The following OSTF1 variants were observed in gnomAD, a reference collection of about 807,000 sequenced individuals.
OSTF1 encodes the protein osteoclast-stimulating factor 1.
In OSTF1, 27 loss-of-function variants were observed where a neutral mutation model predicts 37.2. The observed-to-expected ratio is 0.73, with a 90% CI of 0.54 to 1.00. The LOEUF (loss-of-function observed/expected upper bound fraction) is 1.00, where lower values mean the gene tolerates loss of function less well. OSTF1 is among the 50% of genes least tolerant of loss of function. The pLI is 0.00. For missense variants in OSTF1, 232 were observed against 253.8 expected (o/e 0.91, Z 0.58); for synonymous variants, 82 against 89.2 (o/e 0.92, Z 0.46).
At chr9:75,117,860 C>T (rs1317650287) in intron 2 of OSTF1, among the ~76,000 whole-genome samples, 1 of 152,240 alleles carries the variant, frequency 6.6e-6, no homozygotes, top group Non-Finnish European at 1.5e-5. Flanking sequence ...GAATTTCATA[C>T]TAACCTTCCT....
At position 75,132,994 on chromosome 9, in the gene OSTF1, CA is replaced by C. The variant is rs1564167164; in HGVS notation, c.251-299del. ...ACATACACACACACACACACACACA[CA>C]CACACACACACACACACCCCTATAT... is the stretch of plus-strand genomic sequence containing the variant. On this transcript the variant is annotated intron_variant, in intron 5 of 9. Coordinates refer to ENST00000346234, the MANE Select transcript of OSTF1 (RefSeq NM_012383.5). 2.4e-3 allele frequency among the ~76,000 whole-genome samples: 201 copies of C among 85,510 alleles called. 2 individuals carry two copies. The highest frequency in any genetic ancestry group is 6.9e-3 in the African/African-American group (178 of 25,944). The allele number at this position is 85,510 out of a possible 152,430, so 56.1% of individuals were successfully genotyped here.
intron 7 of OSTF1, 23 bp from the exon 8 acceptor site, chr9:75,137,515 A>C: frequency 6.7e-7 from 1 of 1,503,374 alleles, no homozygotes; most frequent in Non-Finnish European, 9.3e-7. Context: ...TAAAAATGGT[A>C]CTTTCTCTTT....
intron 9 of OSTF1, among the ~76,000 whole-genome samples, chr9:75,142,792 T>C (rs572546643): frequency 6.6e-6 from 1 of 152,328 alleles, no homozygotes; most frequent in South Asian, 2.1e-4. Flanking sequence ...CATGTTACTT[T>C]TAAAATGTTT....
At chr9:75,130,464 G>A in intron 3 of OSTF1, 114 bp from the exon 4 acceptor site, 1 of 724,128 alleles carries the variant, frequency 1.4e-6, no homozygotes, top group Non-Finnish European at 2.5e-6. Flanking sequence ...GATAGTGTGG[G>A]TAGGGTTGAT....
chr9:75,139,805 A>T (rs116160137), intron 8 of OSTF1, among the ~76,000 whole-genome samples: 4,026 of 152,338 alleles, frequency 0.026, 157 homozygotes, highest in African/African-American at 0.089. Flanking sequence ...TCAGAGGATC[A>T]TTAGAGACTA....
At chr9:75,097,397 G>A (rs1343907753) in intron 1 of OSTF1, among the ~76,000 whole-genome samples, 1 of 152,002 alleles carries the variant, frequency 6.6e-6, no homozygotes, top group Non-Finnish European at 1.5e-5. Context: ...CTAAATATTG[G>A]GGCTCTAAAG....
chr9:75,094,080 C>G (rs1825028810), intron 1 of OSTF1, among the ~76,000 whole-genome samples: 1 of 152,120 alleles, frequency 6.6e-6, no homozygotes, highest in Non-Finnish European at 1.5e-5. Flanking sequence ...TTGGTGTGAC[C>G]TGGAAGTGGA....
Position 75,092,422 on chromosome 9 carries a change from A to G in OSTF1, c.34+3696A>G, listed in dbSNP as rs534184488. 7.8e-4 allele frequency among the ~76,000 whole-genome samples: 119 copies of G among 152,334 alleles called. 2 individuals carry two copies. The highest frequency in any genetic ancestry group is 2.7e-3 in the African/African-American group (112 of 41,584). On this transcript the variant is annotated intron_variant, in intron 1 of 9. Transcript: ENST00000346234. The stretch of plus-strand genomic sequence containing the variant: ...CTAGACACTGGGGTTCCCAGGAACA[A>G]TAATCTATGGTGTCATTCACGAGGG...
At chr9:75,109,715 A>G (rs1177474185) in intron 1 of OSTF1, among the ~76,000 whole-genome samples, 5 of 152,162 alleles carry the variant, frequency 3.3e-5, no homozygotes, top group Non-Finnish European at 5.9e-5. Context: ...AGGGATTTCT[A>G]GTTATGTTCC....
At chr9:75,121,925 A>G (rs1164723478) in intron 2 of OSTF1, among the ~76,000 whole-genome samples, 3 of 152,062 alleles carry the variant, frequency 2.0e-5, no homozygotes, top group Admixed American at 1.3e-4. Context: ...CCCTCAGGAG[A>G]TGGGGACAGC....
intron 1 of OSTF1, among the ~76,000 whole-genome samples, chr9:75,096,040 C>T (rs535446814): frequency 2.7e-4 from 41 of 152,200 alleles, no homozygotes; most frequent in Admixed American, 7.2e-4. Flanking sequence ...TGCAGGCGCC[C>T]GCCACCACGC....
intron 2 of OSTF1, among the ~76,000 whole-genome samples, chr9:75,119,686 G>T (rs536914755): frequency 2.6e-5 from 4 of 152,286 alleles, no homozygotes; most frequent in South Asian, 2.1e-4. Context: ...GATGTGAGTC[G>T]CTGGGCACGG....
At chr9:75,120,488 T>C (rs997295865) in intron 2 of OSTF1, among the ~76,000 whole-genome samples, 2 of 152,142 alleles carry the variant, frequency 1.3e-5, no homozygotes, top group Non-Finnish European at 2.9e-5. Flanking sequence ...CCTCCTCGAA[T>C]CTAGAATGGG....
Position 75,088,732 on chromosome 9 carries a change from G to A in OSTF1, c.34+6G>A, listed in dbSNP as rs1402426616. The A allele has an allele frequency of 5.0e-6, 8 of 1,606,910 alleles. No homozygotes were observed. Among genetic ancestry groups the A allele is most frequent in the South Asian group, 3.3e-5 (3 of 90,122 alleles). The stretch of plus-strand genomic sequence containing the variant: ...ACCCAAACCAGTCAAACCAGGTGAG[G>A]GAGGTAAGGTAGGCGCTTGCCAGGT... On this transcript the variant is annotated splice_donor_region_variant and intron_variant, in intron 1 of 9. Coordinates refer to ENST00000346234, the MANE Select transcript of OSTF1 (RefSeq NM_012383.5).
intron 1 of OSTF1, among the ~76,000 whole-genome samples, chr9:75,100,285 A>T (rs1825166678): frequency 6.6e-6 from 1 of 152,206 alleles, no homozygotes; most frequent in African/African-American, 2.4e-5. Context: ...TGCAGGCTCA[A>T]GGGCTTGGGA....
In OSTF1 at chr9:75,107,551, G is replaced by A. The variant is rs149616408; in HGVS notation, c.35-9953G>A. On this transcript the variant is annotated intron_variant, in intron 1 of 9. Transcript: ENST00000346234. ...GGAGAATATTGTTTTTTATATACTTGCTGAGATCCACAAAGTAGGAAAATA... is the reference window on the plus strand; with the variant it reads ...GGAGAATATTGTTTTTTATATACTTACTGAGATCCACAAAGTAGGAAAATA... Among the ~76,000 whole-genome samples, 152 of 152,182 alleles carry A rather than the reference G, an allele frequency of 1.0e-3. 1 individual carries two copies. Among genetic ancestry groups the A allele is most frequent in the African/African-American group, 3.2e-3 (134 of 41,498 alleles).
intron 1 of OSTF1, among the ~76,000 whole-genome samples, chr9:75,111,898 A>G (rs928748343): frequency 5.8e-5 from 7 of 121,226 alleles, no homozygotes; most frequent in African/African-American, 2.3e-4. Flanking sequence ...ATCTCGGCTC[A>G]CTACCACCTC....
intron 8 of OSTF1, among the ~76,000 whole-genome samples, chr9:75,138,518 C>T (rs1001337168): frequency 1.4e-4 from 21 of 152,124 alleles, no homozygotes; most frequent in Non-Finnish European, 2.8e-4. Flanking sequence ...AAAATGCATA[C>T]CAGATTTCAA....
At chr9:75,112,895 G>A (rs1825416540) in intron 1 of OSTF1, among the ~76,000 whole-genome samples, 1 of 152,164 alleles carries the variant, frequency 6.6e-6, no homozygotes, top group South Asian at 2.1e-4. Context: ...TCTTTGGAAA[G>A]TTCGAAGTAA....
Sources: gnomAD v4.1 joint callset for allele counts (sites outside exome capture counted in the v4.1 genomes callset) on GRCh38, gnomAD v4.1.1 for gene constraint, MANE v1.5 for transcripts, NCBI Gene and HGNC (gene_info 2026-07-23, HGNC 2026-07-21) for gene names.